The following CAMTA1 variants were observed in gnomAD, a reference collection of about 807,000 sequenced individuals.
CAMTA1 encodes calmodulin binding transcription activator 1.
In CAMTA1, 27 loss-of-function variants were observed where a neutral mutation model predicts 170.9. The observed-to-expected ratio is 0.16, with a 90% CI of 0.12 to 0.22. CAMTA1 has a LOEUF of 0.22. CAMTA1 is among the 10% of genes least tolerant of loss of function. The probability of loss-of-function intolerance (pLI) is 1.00; values close to 1 mark genes in which losing one functional copy is unlikely to be tolerated. For missense variants in CAMTA1, 1,619 were observed against 2,217.2 expected (o/e 0.73, Z 5.42); for synonymous variants, 833 against 891.5 (o/e 0.93, Z 1.17).
chr1:7,487,445 T>A (rs1320866665), intron 6 of CAMTA1, among the ~76,000 whole-genome samples: 1 of 152,240 alleles, frequency 6.6e-6, no homozygotes, highest in East Asian at 1.9e-4. Context: ...CTTGGATTAA[T>A]TTTGATATTT....
intron 5 of CAMTA1, among the ~76,000 whole-genome samples, chr1:7,304,244 A>G (rs1177350371): frequency 1.3e-5 from 2 of 152,180 alleles, no homozygotes; most frequent in Non-Finnish European, 1.5e-5. Flanking sequence ...TTCTACCACT[A>G]TTTTTTAAAA....
intron 22 of CAMTA1, among the ~76,000 whole-genome samples, chr1:7,764,084 ACT>A (rs2096998000): frequency 6.6e-6 from 1 of 152,172 alleles, no homozygotes; most frequent in Non-Finnish European, 1.5e-5. Flanking sequence ...AATTGAACAG[ACT>A]ATAGCATGTT....
At chr1:7,147,924 C>G (rs558616457) in intron 4 of CAMTA1, among the ~76,000 whole-genome samples, 1 of 150,336 alleles carries the variant, frequency 6.7e-6, no homozygotes, top group Non-Finnish European at 1.5e-5. Context: ...ACACCATGCA[C>G]ACACACAAAC....
chr1:7,573,856 C>T (rs1052477104), intron 6 of CAMTA1, among the ~76,000 whole-genome samples: 2 of 152,186 alleles, frequency 1.3e-5, no homozygotes, highest in Non-Finnish European at 2.9e-5. Flanking sequence ...TCAGTACAAG[C>T]TCTGTCTCCT....
chr1:7,406,006 G>A (rs564210727), intron 5 of CAMTA1, among the ~76,000 whole-genome samples: 95 of 152,350 alleles, frequency 6.2e-4, no homozygotes, highest in African/African-American at 2.2e-3. Flanking sequence ...CCCCGGCACT[G>A]CAGTGGGAGA....
intron 3 of CAMTA1, among the ~76,000 whole-genome samples, chr1:6,960,915 C>G (rs1025684969): frequency 6.6e-6 from 1 of 152,170 alleles, no homozygotes. Context: ...TCAGTTAGTT[C>G]TATGATGAGC....
intron 3 of CAMTA1, among the ~76,000 whole-genome samples, chr1:6,899,547 C>CGT (rs1187913146): frequency 8.6e-5 from 8 of 93,218 alleles, no homozygotes; most frequent in South Asian, 3.3e-4. Context: ...AACGCGCACG[C>CGT]GCGCGCGCAC....
At chr1:7,521,335 C>A (rs994705566) in intron 6 of CAMTA1, among the ~76,000 whole-genome samples, 9 of 152,126 alleles carry the variant, frequency 5.9e-5, no homozygotes, top group African/African-American at 2.2e-4. Context: ...ACAGAGAGCT[C>A]CCAAGTACTC....
At chr1:7,679,405 CCA>C (rs2149291613) in intron 11 of CAMTA1, among the ~76,000 whole-genome samples, 1 of 152,284 alleles carries the variant, frequency 6.6e-6, no homozygotes, top group East Asian at 1.9e-4. Flanking sequence ...CCCTGGAAAC[CCA>C]GAGAGCCAGC....
chr1:7,479,901 ATGTG>A (rs1212003868), intron 6 of CAMTA1, among the ~76,000 whole-genome samples: 1 of 150,284 alleles, frequency 6.7e-6, no homozygotes, highest in East Asian at 1.9e-4. Flanking sequence ...TAGAAGATAT[ATGTG>A]TGTGTGCATG....
chr1:6,800,432 TA>T (rs1291670115), intron 1 of CAMTA1, among the ~76,000 whole-genome samples: 2 of 152,006 alleles, frequency 1.3e-5, no homozygotes, highest in African/African-American at 2.4e-5. Context: ...TAAAAAAATT[TA>T]AATTTATTAA....
intron 3 of CAMTA1, among the ~76,000 whole-genome samples, chr1:7,037,408 G>A (rs1243716955): frequency 6.6e-6 from 1 of 152,160 alleles, no homozygotes; most frequent in Non-Finnish European, 1.5e-5. Flanking sequence ...GCCTTTCCCT[G>A]TGCTCCGGCT....
chr1:7,507,176 CACTCACAT>C (rs1314962921), intron 6 of CAMTA1, among the ~76,000 whole-genome samples: 1 of 151,726 alleles, frequency 6.6e-6, no homozygotes, highest in African/African-American at 2.4e-5. Context: ...CACACGCTCA[CACTCACAT>C]ACATAACACC....
chr1:7,660,999 A>T (rs549791071), intron 7 of CAMTA1, among the ~76,000 whole-genome samples: 4 of 152,334 alleles, frequency 2.6e-5, no homozygotes, highest in Admixed American at 6.5e-5. Context: ...GCAGGTGGGG[A>T]AACCCCAATC....
intron 3 of CAMTA1, among the ~76,000 whole-genome samples, chr1:6,923,450 G>A (rs1682448902): frequency 6.6e-6 from 1 of 152,218 alleles, no homozygotes; most frequent in Non-Finnish European, 1.5e-5. Context: ...GGGGTTTATT[G>A]TAAGAGTTCT....
intron 6 of CAMTA1, among the ~76,000 whole-genome samples, chr1:7,531,892 C>T (rs370283968): frequency 3.3e-5 from 5 of 152,292 alleles, no homozygotes; most frequent in Admixed American, 6.5e-5. Flanking sequence ...CCATCTGGGG[C>T]GGCCACAGAA....
chr1:7,140,558 G>T (rs767075350), intron 4 of CAMTA1, among the ~76,000 whole-genome samples: 2 of 152,100 alleles, frequency 1.3e-5, no homozygotes, highest in Non-Finnish European at 2.9e-5. Context: ...ATAAGCAACT[G>T]GGTCTCAAGT....
At chr1:6,872,296 CT>C (rs1458269140) in intron 3 of CAMTA1, among the ~76,000 whole-genome samples, 2 of 151,676 alleles carry the variant, frequency 1.3e-5, no homozygotes, top group African/African-American at 4.8e-5. Context: ...ACTTATCTTT[CT>C]TTCAGAAATA....
chr1:7,750,535 C>T (rs2096889338), intron 19 of CAMTA1, among the ~76,000 whole-genome samples: 1 of 152,262 alleles, frequency 6.6e-6, no homozygotes, highest in Non-Finnish European at 1.5e-5. Flanking sequence ...TCCCTCACTT[C>T]TGTAGCTCTG....
Sources: gnomAD v4.1 joint callset for allele counts (sites outside exome capture counted in the v4.1 genomes callset) on GRCh38, gnomAD v4.1.1 for gene constraint, MANE v1.5 for transcripts, NCBI Gene and HGNC (gene_info 2026-07-23, HGNC 2026-07-21) for gene names.